EPS15L1: variants seen among roughly 807,000 people sequenced by gnomAD.
The protein encoded by EPS15L1 is epidermal growth factor receptor pathway substrate 15 like 1, also known as epidermal growth factor receptor substrate 15-like 1.
A neutral mutation model predicts 117.1 loss-of-function variants in EPS15L1; 43 were observed. The observed-to-expected ratio is 0.37, with a 90% CI of 0.29 to 0.47. EPS15L1 has a LOEUF of 0.47. Ranked by LOEUF, EPS15L1 falls within the 20% of genes least tolerant of loss-of-function variation. The pLI, the probability that EPS15L1 is intolerant of heterozygous loss-of-function variation, is 0.99. For synonymous variants in EPS15L1, 459 were observed against 470.5 expected (o/e 0.98, Z 0.32); for missense variants, 981 against 1,164.0 (o/e 0.84, Z 2.29).
At chr19:16,433,302 ATT>A (rs558476301) in intron 7 of EPS15L1, among the ~76,000 whole-genome samples, 1 of 147,936 alleles carries the variant, frequency 6.8e-6, no homozygotes, top group Non-Finnish European at 1.5e-5. Context: ...TAATTTTTGT[ATT>A]TTTTTTTAGT....
chr19:16,355,936 G>T, intron 23 of EPS15L1, 85 bp from the exon 24 acceptor site: 1 of 1,474,748 alleles, frequency 6.8e-7, no homozygotes, highest in Non-Finnish European at 9.1e-7. Flanking sequence ...GCGTGGGAGG[G>T]GTCAGGGTCC....
chr19:16,424,445 G>T (rs1193179469), intron 9 of EPS15L1, among the ~76,000 whole-genome samples: 1 of 152,008 alleles, frequency 6.6e-6, no homozygotes, highest in East Asian at 2.0e-4. Flanking sequence ...CTACCAGTGA[G>T]TTTGGCCCCA....
intron 9 of EPS15L1, among the ~76,000 whole-genome samples, chr19:16,424,467 G>A (rs1219341026): frequency 6.6e-6 from 1 of 151,938 alleles, no homozygotes; most frequent in Non-Finnish European, 1.5e-5. Flanking sequence ...TAGCTTCGTT[G>A]CCAGTAAAGT....
At chr19:16,454,605 C>T (rs1012927883) in intron 1 of EPS15L1, among the ~76,000 whole-genome samples, 16 of 152,130 alleles carry the variant, frequency 1.1e-4, no homozygotes, top group South Asian at 4.1e-4. Context: ...CGAACATGCT[C>T]GGGGCTCAAG....
At chr19:16,437,670 A>G (rs2092991363) in intron 5 of EPS15L1, 100 bp downstream of exon 5, 1 of 823,382 alleles carries the variant, frequency 1.2e-6, no homozygotes, top group Admixed American at 2.2e-5. Context: ...GGAAGGCTAG[A>G]GAAAACATGG....
At chr19:16,376,138 G>T (rs2092292607) in intron 22 of EPS15L1, among the ~76,000 whole-genome samples, 1 of 152,176 alleles carries the variant, frequency 6.6e-6, no homozygotes, top group Admixed American at 6.5e-5. Flanking sequence ...GGGAAGACAG[G>T]TAACAGAAGG....
In EPS15L1 at chr19:16,365,134, C is replaced by T. The variant is rs1222045311; in HGVS notation, c.2381-3150G>A. On this transcript the variant is annotated intron_variant, in intron 22 of 23. Coordinates refer to ENST00000455140, the MANE Select transcript of EPS15L1 (RefSeq NM_001258374.3). The surrounding 1 kb of genome is among the most constrained non-coding windows in gnomAD (Gnocchi z 4.9). ...AGGGAAGAAATGGCAGCCCCTTCCC[C>T]ATCATGCCTGTGTTCAGCTCTGCAG... Among the ~76,000 whole-genome samples the T allele has an allele frequency of 2.0e-5, 3 of 152,338 alleles. No individual in the cohort carries two copies. In the East Asian group the frequency reaches 5.8e-4, roughly 29 times the overall value.
intron 1 of EPS15L1, among the ~76,000 whole-genome samples, chr19:16,453,183 T>C (rs553199704): frequency 6.6e-6 from 1 of 152,140 alleles, no homozygotes; most frequent in East Asian, 1.9e-4. Context: ...CACTGCAGCC[T>C]CAACCTCCTG....
chr19:16,444,963 C>T (rs1478665425), intron 1 of EPS15L1, among the ~76,000 whole-genome samples: 1 of 152,176 alleles, frequency 6.6e-6, no homozygotes, highest in Non-Finnish European at 1.5e-5. Context: ...AGGTGATCCG[C>T]CTGCTTTGGC....
At position 16,404,597 on chromosome 19, in the gene EPS15L1, C is replaced by T. The variant is rs2092636339; in HGVS notation, c.1419G>A (p.Glu473=). The T allele has an allele frequency of 5.6e-6, 9 of 1,614,032 alleles. No homozygotes were observed. Among genetic ancestry groups the T allele is most frequent in the Non-Finnish European group, 6.8e-6 (8 of 1,180,016 alleles). The change falls in exon 14 of 24, where the codon GAG becomes GAA. Residue 473 remains glutamate (E), a synonymous_variant. Coordinates refer to ENST00000455140, the MANE Select transcript of EPS15L1 (RefSeq NM_001258374.3). This position sits in a 1 kb window ranked among gnomAD's most constrained non-coding sequence, Gnocchi z 4.2. ...GGTGGCCGGGACCCACCATCTGAGT[C>T]TCATCCTGGCACTTCTGCCGGACGT... The part of the protein sequence containing the change: ...LSDVRQKCQD[E]TQMISSLKTQ...
In EPS15L1 at chr19:16,381,672, A is replaced by C. The variant is rs1381306625; in HGVS notation, c.2247+3457T>G. Among the ~76,000 whole-genome samples the C allele has an allele frequency of 6.6e-6, 1 of 152,164 alleles. No homozygotes were observed. Among genetic ancestry groups the C allele is most frequent in the Admixed American group, 6.5e-5 (1 of 15,272 alleles). On this transcript the variant is annotated intron_variant, in intron 21 of 23. Coordinates refer to ENST00000455140, the MANE Select transcript of EPS15L1 (RefSeq NM_001258374.3). The surrounding 1 kb of genome is among the most constrained non-coding windows in gnomAD (Gnocchi z 4.2). ...CCCATCTGCTGCCCCAGTTGTCCCCAGGCCTGTCCGAGACATGAGGGGCAG... is the reference window on the plus strand; with the variant it reads ...CCCATCTGCTGCCCCAGTTGTCCCCCGGCCTGTCCGAGACATGAGGGGCAG...
chr19:16,364,080 G>C (rs1401638935), intron 22 of EPS15L1, among the ~76,000 whole-genome samples: 1 of 152,174 alleles, frequency 6.6e-6, no homozygotes, highest in Non-Finnish European at 1.5e-5. Context: ...GTCCATCTAA[G>C]AGGCTCCTCC....
intron 22 of EPS15L1, among the ~76,000 whole-genome samples, chr19:16,367,666 A>G (rs921907141): frequency 1.3e-5 from 2 of 151,306 alleles, no homozygotes; most frequent in Non-Finnish European, 2.9e-5. Context: ...GTTCTTGGTC[A>G]GCAAAGTTTT....
In EPS15L1 at chr19:16,440,914, G is replaced by A. The variant is rs768974096; in HGVS notation, c.166-5C>T. On this transcript the variant is annotated splice_region_variant and splice_polypyrimidine_tract_variant and intron_variant, in intron 3 of 23. Coordinates refer to ENST00000455140, the MANE Select transcript of EPS15L1 (RefSeq NM_001258374.3). ...TGGATCGGCCAAGTCCCATATCTGC[G>A]GAAACACAAAAATGCTCATAAGCAT... 18 of 1,613,904 alleles carry A rather than the reference G, an allele frequency of 1.1e-5. No homozygotes were observed. The highest frequency in any genetic ancestry group is 1.6e-4 in the Middle Eastern group (1 of 6,084).
rs564032891 is a variant in EPS15L1 at position 16,392,206 on chromosome 19, T to C, written c.2103+98A>G. ...CCATGGCCCACACTCGCAGGCACCA[T>C]GTACGCTCCACGAAGGGAAGGGGGC... On this transcript the variant is annotated intron_variant, in intron 19 of 23. Transcript: ENST00000455140. The C allele has an allele frequency of 4.2e-4, 580 of 1,381,260 alleles. 4 individuals carry two copies. Among genetic ancestry groups the C allele is most frequent in the South Asian group, 3.3e-3 (268 of 80,864 alleles). The allele number at this position is 1,381,260 out of a possible 1,614,324, so 85.6% of individuals were successfully genotyped here.
chr19:16,406,156 G>C (rs2092654438), intron 13 of EPS15L1, among the ~76,000 whole-genome samples: 1 of 152,102 alleles, frequency 6.6e-6, no homozygotes, highest in Non-Finnish European at 1.5e-5. Flanking sequence ...GGTGGCCCAG[G>C]GTCTCCCCTC....
At chr19:16,399,863 T>C (rs1223253042) in intron 16 of EPS15L1, among the ~76,000 whole-genome samples, 5 of 152,122 alleles carry the variant, frequency 3.3e-5, no homozygotes, top group African/African-American at 9.7e-5. Flanking sequence ...CAATAAAAAC[T>C]GGCTCCAGCA....
rs902072399 is a variant in EPS15L1, at chr19:16,417,473, G to A, written c.1193+79C>T. The A allele has an allele frequency of 2.6e-5, 31 of 1,207,126 alleles. No individual in the cohort carries two copies. The Admixed American group carries it at 7.0e-4, about 27-fold the overall frequency. 74.8% of individuals were successfully genotyped at this position (1,207,126 alleles called of 1,614,324 possible). ...CTGTGATGAGCAAACTTCCAGGTGA[G>A]CCTCTGATATTTCCGATAACAACCT... On this transcript the variant is annotated intron_variant, in intron 12 of 23. Coordinates refer to ENST00000455140, the MANE Select transcript of EPS15L1 (RefSeq NM_001258374.3).
rs1003252462 is a variant in EPS15L1, at chr19:16,405,093, G to A, written c.1267-344C>T. Among the ~76,000 whole-genome samples the A allele has an allele frequency of 2.6e-5, 4 of 152,206 alleles. No individual in the cohort carries two copies. The highest frequency in any genetic ancestry group is 2.1e-4 in the South Asian group (1 of 4,836). The stretch of plus-strand genomic sequence containing the variant: ...GAACATCACCCAAACGCAAATAAAC[G>A]TGGACAAGTGGCACCAAGGGGGTCA... On this transcript the variant is annotated intron_variant, in intron 13 of 23. Coordinates refer to ENST00000455140, the MANE Select transcript of EPS15L1 (RefSeq NM_001258374.3). The surrounding 1 kb of genome is among the most constrained non-coding windows in gnomAD (Gnocchi z 4.0).
Sources: gnomAD v4.1 joint callset for allele counts (sites outside exome capture counted in the v4.1 genomes callset) on GRCh38, gnomAD v4.1.1 for gene constraint, Gnocchi (gnomAD v3.1) non-coding constraint, MANE v1.5 for transcripts, NCBI Gene and HGNC (gene_info 2026-07-23, HGNC 2026-07-21) for gene names.